Variants in ANPEP observed in about 807,000 individuals in gnomAD.
The protein encoded by ANPEP is aminopeptidase N.
Under a neutral mutation model 114.6 loss-of-function variants are expected in ANPEP, and 70 were observed. The ratio of observed to expected loss-of-function variants is 0.61; its 90% CI spans 0.50 to 0.75. The LOEUF (loss-of-function observed/expected upper bound fraction) is 0.75. ANPEP is among the 30% of genes least tolerant of loss of function. The pLI is 0.00. For synonymous variants in ANPEP, 548 were observed against 522.3 expected (o/e 1.05, Z -0.67); for missense variants, 1,184 against 1,259.5 (o/e 0.94, Z 0.91).
rs1596157721 is a variant in ANPEP at position 89,785,059 on chromosome 15, C to T, written c.*290G>A. ...CCATCGAGAGCTTCTGCTCATCTGG[C>T]CCTGGAGCTGGGCTTCCCTGAGATC... On this transcript the variant is annotated 3_prime_UTR_variant, in exon 21 of 21. Transcript: ENST00000300060. 2.6e-6 allele frequency: 1 copy of T among 380,346 alleles called. No homozygotes were observed. The highest frequency in any genetic ancestry group is 5.0e-5 in the East Asian group (1 of 19,830). The allele number at this position is 380,346 out of a possible 1,614,324, so 23.6% of individuals were successfully genotyped here.
intron 1 of ANPEP, among the ~76,000 whole-genome samples, chr15:89,811,692 A>T (rs966219809): frequency 3.3e-5 from 5 of 151,234 alleles, no homozygotes; most frequent in Non-Finnish European, 5.9e-5. Flanking sequence ...TTGTTCCTCT[A>T]GGTAGCTCCT....
Position 89,803,059 on chromosome 15 carries a change from C to A in ANPEP, c.1569+180G>T, listed in dbSNP as rs371131475. On this transcript the variant is annotated intron_variant, in intron 10 of 20. Coordinates refer to ENST00000300060, the MANE Select transcript of ANPEP (RefSeq NM_001150.3). This position sits in a 1 kb window ranked among gnomAD's most constrained non-coding sequence, Gnocchi z 4.2. ...CTCAACCACAGCCTCACTCAGACAC[C>A]TCTTGCAAGGAGCCATCCCGGCTTC... Among the ~76,000 whole-genome samples the A allele has an allele frequency of 9.2e-5, 14 of 152,158 alleles. No homozygotes were observed. Among genetic ancestry groups the A allele is most frequent in the Admixed American group, 7.9e-4 (12 of 15,286 alleles).
intron 20 of ANPEP, among the ~76,000 whole-genome samples, chr15:89,790,140 G>GCT (rs1968591559): frequency 8.0e-6 from 1 of 125,036 alleles, no homozygotes; most frequent in Non-Finnish European, 1.8e-5. Context: ...AAAATTACAT[G>GCT]ATCAGTGATT....
chr15:89,786,087 A>T (rs1968501974), intron 20 of ANPEP, among the ~76,000 whole-genome samples: 1 of 152,240 alleles, frequency 6.6e-6, no homozygotes, highest in African/African-American at 2.4e-5. Context: ...CAATACACAA[A>T]TATCAATTGT....
Position 89,785,413 on chromosome 15 carries a change from T to C in ANPEP, c.2840A>G (p.Asn947Ser). Residue 947 changes from asparagine (N) to serine (S), a missense_variant, in exon 21 of 21, where the codon AAC (asparagine) becomes AGC (serine). Transcript: ENST00000300060. ...LEQALEKTKA[N>S]IKWVKENKEV... ...CTTGTTCTCCTTCACCCACTTGATG[T>C]TGGCTTTCGTCTTCTCCAGGGCTTG... is the stretch of plus-strand genomic sequence containing the variant. The C allele has an allele frequency of 6.2e-7, 1 of 1,614,230 alleles. No individual in the cohort carries two copies. The highest frequency in any genetic ancestry group is 8.5e-7 in the Non-Finnish European group (1 of 1,180,028).
chr15:89,797,669 T>C lies in ANPEP; in HGVS notation c.2063A>G (p.Glu688Gly). The change falls in exon 15 of 21, where the codon GAA becomes GGA. Residue 688 changes from glutamate (E) to glycine (G), a missense_variant. Transcript: ENST00000300060. Reference sequence around the variant, plus strand: ...CTCCCAGGGCATGTACTGTCTCTCTTCAATCAGGAAGAGGGTGTTGTTCAG... The same window carrying C: ...CTCCCAGGGCATGTACTGTCTCTCTCCAATCAGGAAGAGGGTGTTGTTCAG... ...LALNNTLFLI[E>G]ERQYMPWEAA... is the part of the protein sequence containing the mutation. The C allele has an allele frequency of 6.2e-7, 1 of 1,614,138 alleles. No individual in the cohort carries two copies. Among genetic ancestry groups the C allele is most frequent in the East Asian group, 2.2e-5 (1 of 44,878 alleles).
At chr15:89,812,001 C>G (rs1198783559) in intron 1 of ANPEP, among the ~76,000 whole-genome samples, 1 of 152,226 alleles carries the variant, frequency 6.6e-6, no homozygotes, top group Non-Finnish European at 1.5e-5. Context: ...TGAAGGTTGA[C>G]AACGATCATG....
chr15:89,800,259 C>G (rs538097610), intron 12 of ANPEP, among the ~76,000 whole-genome samples: 10 of 152,326 alleles, frequency 6.6e-5, no homozygotes, highest in Admixed American at 5.2e-4. Context: ...CTGATTCCTA[C>G]TCTTCCTCTA....
chr15:89,798,940 A>AAACC (rs1894528912), intron 14 of ANPEP, among the ~76,000 whole-genome samples: 1 of 31,344 alleles, frequency 3.2e-5, no homozygotes, highest in African/African-American at 8.2e-5. Context: ...CTCCGTCTCA[A>AAACC]AACAAACAAA....
intron 14 of ANPEP, among the ~76,000 whole-genome samples, chr15:89,798,106 T>G (rs914951323): frequency 1.3e-5 from 2 of 152,244 alleles, no homozygotes; most frequent in African/African-American, 4.8e-5. Flanking sequence ...TCTGACCACC[T>G]CTTCTGACTT....
chr15:89,790,749 A>C lies in ANPEP; in HGVS notation c.2669+204T>G, dbSNP rs1992250. On this transcript the variant is annotated intron_variant, in intron 19 of 20. Transcript: ENST00000300060. ...CCTCTCTTCTGGAGAATACGCCCACACGCCACGTTTTCCTTCCAAATGGGA... is the reference window on the plus strand; with the variant it reads ...CCTCTCTTCTGGAGAATACGCCCACCCGCCACGTTTTCCTTCCAAATGGGA... 0.35 allele frequency among the ~76,000 whole-genome samples: 53,795 copies of C among 151,862 alleles called. 10,282 individuals carry two copies. The highest frequency in any genetic ancestry group is 0.5 in the African/African-American group (20,784 of 41,374).
At chr15:89,788,842 A>G (rs1256166250) in intron 20 of ANPEP, among the ~76,000 whole-genome samples, 1 of 151,224 alleles carries the variant, frequency 6.6e-6, no homozygotes, top group Admixed American at 6.6e-5. Flanking sequence ...CTGGTCTCAA[A>G]CTCCTGGGTT....
intron 4 of ANPEP, chr15:89,804,841 C>T: frequency 1.2e-6 from 1 of 814,190 alleles, no homozygotes; most frequent in Non-Finnish European, 1.9e-6. Flanking sequence ...ATCATAGCCA[C>T]CGTCTGTCTG....
At chr15:89,797,788 C>A in intron 14 of ANPEP, 66 bp from the exon 15 acceptor site, 9 of 1,598,868 alleles carry the variant, frequency 5.6e-6, no homozygotes, top group Non-Finnish European at 7.7e-6. Flanking sequence ...CTGGGAACCC[C>A]AACCCAGGCC....
chr15:89,792,660 C>T (rs1265721971), intron 16 of ANPEP, 98 bp from the exon 17 acceptor site: 2 of 1,100,290 alleles, frequency 1.8e-6, no homozygotes, highest in East Asian at 2.5e-5. Context: ...GCCTAAGGCT[C>T]TGTGGCCTAA....
At chr15:89,797,436 T>TC in intron 15 of ANPEP, 139 bp downstream of exon 15, 1 of 1,101,494 alleles carries the variant, frequency 9.1e-7, no homozygotes, top group East Asian at 2.9e-5. Context: ...GCAATCTTTC[T>TC]TTTTTTTTGG....
At chr15:89,805,053 A>G in intron 4 of ANPEP, 25 bp downstream of exon 4, 1 of 1,613,800 alleles carries the variant, frequency 6.2e-7, no homozygotes, top group Non-Finnish European at 8.5e-7. Context: ...GCCCACGTGA[A>G]GGAGAGATGG....
intron 1 of ANPEP, among the ~76,000 whole-genome samples, chr15:89,813,419 C>T (rs1394120141): frequency 6.6e-6 from 1 of 152,212 alleles, no homozygotes; most frequent in East Asian, 1.9e-4. Context: ...GGGGGAAGCA[C>T]AGGGCAGGCG....
At position 89,798,801 on chromosome 15, in the gene ANPEP, A is replaced by G. The variant is rs933933995; in HGVS notation, c.2009+459T>C. Among the ~76,000 whole-genome samples, 67 of 152,254 alleles carry G rather than the reference A, an allele frequency of 4.4e-4. No individual in the cohort carries two copies. In the Middle Eastern group the frequency reaches 0.01, roughly 23 times the overall value. On this transcript the variant is annotated intron_variant, in intron 14 of 20. Coordinates refer to ENST00000300060, the MANE Select transcript of ANPEP (RefSeq NM_001150.3). The stretch of plus-strand genomic sequence containing the variant: ...CTAAAAATACAAAAATTAGCTGGGC[A>G]TGGTGGTGCACACCTGTAATCCCAG...
Sources: gnomAD v4.1 joint callset for allele counts (sites outside exome capture counted in the v4.1 genomes callset) on GRCh38, gnomAD v4.1.1 for gene constraint, Gnocchi (gnomAD v3.1) non-coding constraint, MANE v1.5 for transcripts, NCBI Gene and HGNC (gene_info 2026-07-23, HGNC 2026-07-21) for gene names.